Variants in FNDC3A observed in about 807,000 individuals in gnomAD.
FNDC3A encodes fibronectin type-III domain-containing protein 3A.
In FNDC3A, 32 loss-of-function variants were observed where a neutral mutation model predicts 148.9. The observed-to-expected ratio is 0.21, with a 90% CI of 0.16 to 0.29. FNDC3A has a LOEUF of 0.29. Among genes scored for constraint, FNDC3A ranks in the 10% least tolerant of loss-of-function variants. FNDC3A has a pLI of 1.00. For missense variants in FNDC3A, 1,191 were observed against 1,452.8 expected (o/e 0.82, Z 2.93); for synonymous variants, 472 against 473.6 (o/e 1.00, Z 0.04).
intron 1 of FNDC3A, among the ~76,000 whole-genome samples, chr13:48,992,881 A>C (rs1951947588): frequency 6.6e-6 from 1 of 152,134 alleles, no homozygotes. Context: ...AAGTAGTTAT[A>C]ACAACTACTT....
At chr13:49,020,249 A>C (rs2137639756) in intron 2 of FNDC3A, among the ~76,000 whole-genome samples, 1 of 152,322 alleles carries the variant, frequency 6.6e-6, no homozygotes, top group East Asian at 1.9e-4. Flanking sequence ...TATCAGATTA[A>C]AAAAACCTGA....
chr13:49,060,073 G>A (rs1434911963), intron 2 of FNDC3A, among the ~76,000 whole-genome samples: 1 of 152,184 alleles, frequency 6.6e-6, no homozygotes, highest in African/African-American at 2.4e-5. Context: ...ATAAAATGGT[G>A]CAGCCACAAT....
At chr13:49,161,186 T>C (rs7332066) in intron 8 of FNDC3A, among the ~76,000 whole-genome samples, 48,810 of 151,978 alleles carry the variant, frequency 0.32, 7,954 homozygotes, top group South Asian at 0.48. Flanking sequence ...GTTAACTTTC[T>C]GTCTTGTTGA....
intron 3 of FNDC3A, among the ~76,000 whole-genome samples, chr13:49,079,255 A>T (rs1443107808): frequency 6.6e-6 from 1 of 152,206 alleles, no homozygotes; most frequent in African/African-American, 2.4e-5. Context: ...ACTGAGGTAT[A>T]CTGTGCTAGT....
At chr13:49,093,218 G>A (rs976767510) in intron 3 of FNDC3A, among the ~76,000 whole-genome samples, 1 of 152,052 alleles carries the variant, frequency 6.6e-6, no homozygotes, top group Non-Finnish European at 1.5e-5. Flanking sequence ...TCTCCTCCCC[G>A]TAGCACTTAC....
chr13:49,044,513 TA>T (rs1455530555), intron 2 of FNDC3A: 2 of 165,510 alleles, frequency 1.2e-5, no homozygotes, highest in African/African-American at 4.8e-5. Flanking sequence ...CTACTAAAAA[TA>T]CAAAAATTAG....
intron 13 of FNDC3A, among the ~76,000 whole-genome samples, chr13:49,176,160 T>C (rs2138066164): frequency 6.6e-6 from 1 of 152,328 alleles, no homozygotes; most frequent in South Asian, 2.1e-4. Flanking sequence ...TCATTTTTTG[T>C]TGTGACTCTG....
chr13:49,000,079 T>G (rs1382874946), intron 1 of FNDC3A, among the ~76,000 whole-genome samples: 1 of 152,234 alleles, frequency 6.6e-6, no homozygotes, highest in East Asian at 1.9e-4. Context: ...CAAAAGTTTC[T>G]AAGTTTGATT....
At chr13:48,998,588 A>G (rs1277110766) in intron 1 of FNDC3A, among the ~76,000 whole-genome samples, 1 of 152,228 alleles carries the variant, frequency 6.6e-6, no homozygotes, top group Non-Finnish European at 1.5e-5. Flanking sequence ...AATCTTAAAC[A>G]CTTTTGGTCC....
chr13:49,125,373 A>G (rs1220557871), intron 4 of FNDC3A, among the ~76,000 whole-genome samples: 1 of 152,184 alleles, frequency 6.6e-6, no homozygotes, highest in East Asian at 1.9e-4. Flanking sequence ...ACTGTTGTAT[A>G]TGTTTGTAGA....
At chr13:49,000,964 T>TTGTGTGTGTG (rs149236388) in intron 1 of FNDC3A, among the ~76,000 whole-genome samples, 1 of 150,006 alleles carries the variant, frequency 6.7e-6, no homozygotes, top group Non-Finnish European at 1.5e-5. Context: ...TTTTGTGTGT[T>TTGTGTGTGTG]TGTGTGTGTG....
At chr13:49,182,906 TCTTGA>T in intron 14 of FNDC3A, among the ~76,000 whole-genome samples, 1 of 152,132 alleles carries the variant, frequency 6.6e-6, no homozygotes, top group Non-Finnish European at 1.5e-5. Flanking sequence ...TCCATTTCTG[TCTTGA>T]AGAATACTAA....
At chr13:49,013,423 A>T (rs1292682395) in intron 2 of FNDC3A, among the ~76,000 whole-genome samples, 1 of 151,240 alleles carries the variant, frequency 6.6e-6, no homozygotes, top group Non-Finnish European at 1.5e-5. Context: ...CATGTGCACA[A>T]TGTGCAGGTT....
In FNDC3A at chr13:49,190,915, C is replaced by G. The variant is rs183283146; in HGVS notation, c.1945-100C>G. On this transcript the variant is annotated intron_variant, in intron 17 of 25. Coordinates refer to ENST00000492622, the MANE Select transcript of FNDC3A (RefSeq NM_001079673.2). Reference sequence around the variant, plus strand: ...ACAATCAAGTACAATTTCAAATTATCAGTGCAATATTTGTGTTTATATTAT... The same window carrying G: ...ACAATCAAGTACAATTTCAAATTATGAGTGCAATATTTGTGTTTATATTAT... 3.5e-4 allele frequency: 230 copies of G among 666,022 alleles called. 2 individuals carry two copies. Among genetic ancestry groups the G allele is most frequent in the Admixed American group, 3.0e-3 (94 of 31,804 alleles). 41.3% of individuals were successfully genotyped at this position (666,022 alleles called of 1,614,324 possible). A position where few individuals can be genotyped will look rare whatever the true frequency, so the allele number is the denominator to read the frequency against.
At chr13:49,050,487 C>T (rs1384305825) in intron 2 of FNDC3A, among the ~76,000 whole-genome samples, 2 of 152,056 alleles carry the variant, frequency 1.3e-5, no homozygotes, top group African/African-American at 4.8e-5. Flanking sequence ...TGATTTTATT[C>T]CACTGTGGTC....
rs550618465 is a variant in FNDC3A, at chr13:49,136,579, A to T, written c.738A>T (p.Thr246=). ...AGTCTGGGAAGGGGAAAGGTGGTAC[A>T]CAAGTTGATACAGAAATTGAAGGTA... ...KIKSGKGKGG[T]QVDTEIEEKD... The change falls in exon 6 of 26, where the codon ACA becomes ACT. Residue 246 remains threonine (T), a synonymous_variant. Coordinates refer to ENST00000492622, the MANE Select transcript of FNDC3A (RefSeq NM_001079673.2). 6.2e-7 allele frequency: 1 copy of T among 1,612,754 alleles called. No homozygotes were observed.
At chr13:49,155,238 T>C (rs1415363177) in intron 8 of FNDC3A, among the ~76,000 whole-genome samples, 1 of 152,188 alleles carries the variant, frequency 6.6e-6, no homozygotes, top group Non-Finnish European at 1.5e-5. Flanking sequence ...CTTCCTGGTT[T>C]AGTCTTGGGA....
rs914730202 is a variant in FNDC3A, at chr13:49,199,363, C to T, written c.2987+789C>T. On this transcript the variant is annotated intron_variant, in intron 23 of 25. Coordinates refer to ENST00000492622, the MANE Select transcript of FNDC3A (RefSeq NM_001079673.2). ...TTTTTTTTTTTGAGACGGAGTCTCACTCTCACCAGGCTGGAGTGCAGTGAC... is the reference window on the plus strand; with the variant it reads ...TTTTTTTTTTTGAGACGGAGTCTCATTCTCACCAGGCTGGAGTGCAGTGAC... 3.4e-5 allele frequency among the ~76,000 whole-genome samples: 5 copies of T among 148,146 alleles called. No individual in the cohort carries two copies. The South Asian group carries it at 1.1e-3, about 32-fold the overall frequency.
intron 8 of FNDC3A, among the ~76,000 whole-genome samples, chr13:49,162,253 G>A (rs1191252349): frequency 6.6e-6 from 1 of 152,148 alleles, no homozygotes; most frequent in Admixed American, 6.5e-5. Flanking sequence ...CCAATGAGAC[G>A]TAGATTTGGT....
Sources: allele counts gnomAD v4.1 joint callset (sites outside exome capture counted in the v4.1 genomes callset), GRCh38; gene constraint gnomAD v4.1.1; transcripts MANE v1.5; gene names NCBI Gene and HGNC (gene_info 2026-07-23, HGNC 2026-07-21).